The following ROBO2 variants were observed in gnomAD, a reference collection of about 807,000 sequenced individuals.
The protein encoded by ROBO2 is roundabout guidance receptor 2.
ROBO2 carries 53 observed loss-of-function variants against 160.8 expected under a neutral mutation model. The ratio of observed to expected loss-of-function variants is 0.33; its 90% CI spans 0.26 to 0.41. The LOEUF (loss-of-function observed/expected upper bound fraction) is 0.41. Ranked by LOEUF, ROBO2 falls within the 10% of genes least tolerant of loss-of-function variation. The pLI, the probability that ROBO2 is intolerant of heterozygous loss-of-function variation, is 1.00. For missense variants in ROBO2, 1,577 were observed against 1,722.4 expected (o/e 0.92, Z 1.49); for synonymous variants, 664 against 611.7 (o/e 1.09, Z -1.26).
chr3:77,516,989 A>C (rs1251491563), intron 5 of ROBO2, among the ~76,000 whole-genome samples: 1 of 151,588 alleles, frequency 6.6e-6, no homozygotes, highest in Non-Finnish European at 1.5e-5. Context: ...GACTTGGGCT[A>C]TACAGTTTAA....
chr3:77,428,514 G>A (rs1445726336), intron 2 of ROBO2, among the ~76,000 whole-genome samples: 2 of 150,514 alleles, frequency 1.3e-5, no homozygotes, highest in African/African-American at 2.4e-5. Flanking sequence ...CCGCCACCGC[G>A]CCCGGCTAAT....
At chr3:76,790,786 A>G (rs1488605572) in intron 2 of ROBO2, among the ~76,000 whole-genome samples, 1 of 151,824 alleles carries the variant, frequency 6.6e-6, no homozygotes, top group African/African-American at 2.4e-5. Context: ...TCTTACCTAT[A>G]CCTTTAAAAT....
At chr3:76,357,314 G>A (rs1004674361) in intron 2 of ROBO2, among the ~76,000 whole-genome samples, 2 of 151,864 alleles carry the variant, frequency 1.3e-5, no homozygotes, top group African/African-American at 4.8e-5. Context: ...CACAAAGGCA[G>A]GATAAATGAA....
intron 2 of ROBO2, among the ~76,000 whole-genome samples, chr3:77,272,378 A>G (rs1309791483): frequency 6.6e-6 from 1 of 152,092 alleles, no homozygotes; most frequent in East Asian, 1.9e-4. Flanking sequence ...GGGGAAGCAG[A>G]CATGTCTTAC....
At chr3:77,602,373 C>T in exon 20 of ROBO2, 2 of 1,614,112 alleles carry the variant, frequency 1.2e-6, no homozygotes, top group Non-Finnish European at 1.7e-6. Flanking sequence ...TGCATTCCAA[C>T]AGCATACATG....
At chr3:77,439,493 G>A (rs989866143) in intron 2 of ROBO2, among the ~76,000 whole-genome samples, 1 of 151,854 alleles carries the variant, frequency 6.6e-6, no homozygotes, top group African/African-American at 2.4e-5. Flanking sequence ...TTCTGAAAAA[G>A]ATGGACTGCA....
At chr3:77,263,229 G>A (rs910361287) in intron 2 of ROBO2, among the ~76,000 whole-genome samples, 6 of 152,070 alleles carry the variant, frequency 3.9e-5, no homozygotes, top group Admixed American at 6.6e-5. Flanking sequence ...CCATTTACTT[G>A]CCAGTTTTTA....
chr3:76,711,552 A>C (rs1477934909), intron 2 of ROBO2, among the ~76,000 whole-genome samples: 1 of 152,180 alleles, frequency 6.6e-6, no homozygotes, highest in Admixed American at 6.5e-5. Context: ...TAGAAATTTT[A>C]AGATAACGAA....
intron 2 of ROBO2, among the ~76,000 whole-genome samples, chr3:77,020,727 A>AGT (rs2062579748): frequency 6.6e-6 from 1 of 152,100 alleles, no homozygotes; most frequent in African/African-American, 2.4e-5. Flanking sequence ...ATACAAAATC[A>AGT]TAGTTTCCAA....
At chr3:77,619,479 A>T (rs2153704215) in intron 22 of ROBO2, among the ~76,000 whole-genome samples, 1 of 152,328 alleles carries the variant, frequency 6.6e-6, no homozygotes, top group East Asian at 1.9e-4. Flanking sequence ...AAATTCCAAA[A>T]GTAGAGCTTC....
chr3:76,272,682 T>TATATATATATTCTATATATATAAA lies in ROBO2; in HGVS notation c.109+335090_109+335091insTCTATATATATAAAATATATATAT, dbSNP rs1707514456. Among the ~76,000 whole-genome samples, 4 of 95,460 alleles carry TATATATATATTCTATATATATAAA rather than the reference T, an allele frequency of 4.2e-5. 1 individual carries two copies. The highest frequency in any genetic ancestry group is 7.2e-5 in the African/African-American group (2 of 27,890). The allele number at this position is 95,460 out of a possible 152,430, so 62.6% of individuals were successfully genotyped here. On this transcript the variant is annotated intron_variant, in intron 2 of 26. Coordinates refer to the ROBO2 transcript ENST00000487694. ...TGTCTAAAATACATACACATATAAA[T>TATATATATATTCTATATATATAAA]ATATATATATATTCTATATATATAA...
intron 2 of ROBO2, among the ~76,000 whole-genome samples, chr3:76,630,119 G>A (rs1434926491): frequency 6.6e-6 from 1 of 152,214 alleles, no homozygotes; most frequent in Non-Finnish European, 1.5e-5. Context: ...TAATGTTGAT[G>A]AGAGAAAACA....
At chr3:77,241,086 T>A (rs1017106720) in intron 2 of ROBO2, among the ~76,000 whole-genome samples, 4 of 152,240 alleles carry the variant, frequency 2.6e-5, no homozygotes, top group African/African-American at 9.6e-5. Context: ...ACAGTTTTGA[T>A]GAATTAGTAA....
At chr3:76,813,408 G>A (rs748685371) in intron 2 of ROBO2, among the ~76,000 whole-genome samples, 1 of 151,848 alleles carries the variant, frequency 6.6e-6, no homozygotes, top group Non-Finnish European at 1.5e-5. Context: ...TTTGCCCATC[G>A]TTTTTGTCAA....
chr3:76,034,907 A>G (rs1238090718), intron 2 of ROBO2, among the ~76,000 whole-genome samples: 1 of 152,076 alleles, frequency 6.6e-6, no homozygotes, highest in East Asian at 1.9e-4. Context: ...CTGCTAGTTC[A>G]GCGCTCTCTG....
chr3:77,385,152 C>A (rs553912084), intron 2 of ROBO2, among the ~76,000 whole-genome samples: 24 of 152,250 alleles, frequency 1.6e-4, no homozygotes, highest in Admixed American at 1.6e-3. Context: ...GCCTCAGCCT[C>A]CTGAGTAGCT....
intron 2 of ROBO2, among the ~76,000 whole-genome samples, chr3:76,683,611 C>A (rs1346166263): frequency 6.6e-6 from 1 of 152,044 alleles, no homozygotes; most frequent in African/African-American, 2.4e-5. Context: ...CTTCTATAAT[C>A]TCATGTAACT....
At chr3:77,604,163 A>G (rs1318371209) in intron 20 of ROBO2, 2 of 152,186 alleles carry the variant, frequency 1.3e-5, no homozygotes, top group Non-Finnish European at 2.9e-5. Flanking sequence ...AGAATTAGCT[A>G]TATTATAGAA....
At chr3:76,309,568 T>C (rs552837081) in intron 2 of ROBO2, among the ~76,000 whole-genome samples, 1 of 152,192 alleles carries the variant, frequency 6.6e-6, no homozygotes, top group Non-Finnish European at 1.5e-5. Context: ...AGGTACCTCT[T>C]CCAAGAATAT....
Sources: allele counts gnomAD v4.1 joint callset (sites outside exome capture counted in the v4.1 genomes callset), GRCh38; gene constraint gnomAD v4.1.1; transcripts MANE v1.5; gene names NCBI Gene and HGNC (gene_info 2026-07-23, HGNC 2026-07-21).